CFAP57: variants seen among roughly 807,000 people sequenced by gnomAD.
The protein encoded by CFAP57 is cilia- and flagella-associated protein 57.
CFAP57 carries 116 observed loss-of-function variants against 146.8 expected under a neutral mutation model. The observed-to-expected ratio is 0.79, with a 90% CI of 0.68 to 0.92. The LOEUF (loss-of-function observed/expected upper bound fraction) is 0.92, where lower values mean the gene tolerates loss of function less well. CFAP57 is among the 40% of genes least tolerant of loss of function. The probability of loss-of-function intolerance (pLI) is 0.00; values close to 1 mark genes in which losing one functional copy is unlikely to be tolerated. For synonymous variants in CFAP57, 518 were observed against 552.8 expected (o/e 0.94, Z 0.88); for missense variants, 1,377 against 1,527.2 (o/e 0.90, Z 1.64).
intron 2 of CFAP57, among the ~76,000 whole-genome samples, chr1:43,179,978 G>A (rs1268365525): frequency 7.9e-5 from 12 of 151,858 alleles, no homozygotes; most frequent in Admixed American, 7.9e-4. Flanking sequence ...AGGCCGAGGT[G>A]GGCGGATCAC....
chr1:43,236,912 C>CAA (rs112784557), intron 21 of CFAP57, among the ~76,000 whole-genome samples: 11 of 122,656 alleles, frequency 9.0e-5, no homozygotes, highest in East Asian at 3.1e-4. Flanking sequence ...CCATCCCCCC[C>CAA]CAAAAAAAAA....
intron 6 of CFAP57, among the ~76,000 whole-genome samples, chr1:43,195,532 G>C (rs199599550): frequency 7.6e-6 from 1 of 131,784 alleles, no homozygotes; most frequent in African/African-American, 2.8e-5. Context: ...AAGAAAAAAA[G>C]AAAAAAAAAA....
Position 43,224,056 on chromosome 1 carries a change from T to C in CFAP57, c.2717T>C (p.Leu906Pro), listed in dbSNP as rs1249135559. 6.4e-7 allele frequency: 1 copy of C among 1,550,420 alleles called. No individual in the cohort carries two copies. The highest frequency in any genetic ancestry group is 1.4e-5 in the African/African-American group (1 of 73,048). ...TGTTCGCTTTTCTAGTTCAGCAGCCTACAGAAGGAGATTGAAGAACGAACC... is the reference window on the plus strand; with the variant it reads ...TGTTCGCTTTTCTAGTTCAGCAGCCCACAGAAGGAGATTGAAGAACGAACC... ...TGIMRKKFSS[L>P]QKEIEERTND... The change falls in exon 17 of 23, where the codon CTA (leucine) becomes CCA (proline). Residue 906 changes from leucine to proline, a missense_variant. Coordinates refer to ENST00000372492, the MANE Select transcript of CFAP57 (RefSeq NM_001378189.1).
At chr1:43,184,982 C>A in intron 4 of CFAP57, 167 bp from the exon 5 acceptor site, 1 of 705,068 alleles carries the variant, frequency 1.4e-6, no homozygotes, top group Admixed American at 2.1e-5. Flanking sequence ...TGGCCATGTG[C>A]AGTTTGTGTA....
intron 12 of CFAP57, among the ~76,000 whole-genome samples, chr1:43,216,836 G>A (rs1444266837): frequency 6.6e-6 from 1 of 152,212 alleles, no homozygotes; most frequent in African/African-American, 2.4e-5. Context: ...GATTTACAGA[G>A]GGGTCTGCTG....
chr1:43,180,199 T>A (rs914231759), intron 2 of CFAP57, among the ~76,000 whole-genome samples: 1 of 144,070 alleles, frequency 6.9e-6, no homozygotes, highest in African/African-American at 2.7e-5. Context: ...AGAGTGAAAC[T>A]CTATCTCAAA....
At position 43,224,186 on chromosome 1, in the gene CFAP57, C is replaced by T. The variant is rs1222223545; in HGVS notation, c.2847C>T (p.Asp949=). 9.1e-6 allele frequency: 14 copies of T among 1,545,690 alleles called. No individual in the cohort carries two copies. The highest frequency in any genetic ancestry group is 8.2e-5 in the African/African-American group (6 of 72,820). ...TCAAGCGAGAGATCCAGGAAAGAGA[C>T]GAGACTATTCAAGACAAGGTGCAGC... is the stretch of plus-strand genomic sequence containing the variant. ...QGLKREIQER[D]ETIQDKEKRI... is the part of the protein sequence containing the mutation. The change falls in exon 17 of 23, where the codon GAC becomes GAT. Residue 949 remains aspartate (D), a synonymous_variant. Transcript: ENST00000372492.
At chr1:43,185,093 A>C in intron 4 of CFAP57, 56 bp from the exon 5 acceptor site, 1 of 1,582,436 alleles carries the variant, frequency 6.3e-7, no homozygotes, top group Non-Finnish European at 8.7e-7. Flanking sequence ...CCCCAGCAGA[A>C]TTCATCTCCT....
intron 6 of CFAP57, among the ~76,000 whole-genome samples, chr1:43,189,606 C>T (rs997842349): frequency 3.3e-5 from 5 of 152,148 alleles, no homozygotes; most frequent in African/African-American, 4.8e-5. Flanking sequence ...GCAACCTTGC[C>T]AAACTCATTT....
chr1:43,235,151 C>G lies in CFAP57; in HGVS notation c.3405+513C>G, dbSNP rs1645639354. Among the ~76,000 whole-genome samples, 4 of 152,286 alleles carry G rather than the reference C, an allele frequency of 2.6e-5. No homozygotes were observed. In the South Asian group the frequency reaches 8.3e-4, roughly 32 times the overall value. On this transcript the variant is annotated intron_variant, in intron 21 of 22. Coordinates refer to ENST00000372492, the MANE Select transcript of CFAP57 (RefSeq NM_001378189.1). ...CTGATTTTTCTGGTGCCTCAGGTCCCTACCCTTATCTCTTGTGTCCCAAGT... is the reference window on the plus strand; with the variant it reads ...CTGATTTTTCTGGTGCCTCAGGTCCGTACCCTTATCTCTTGTGTCCCAAGT...
At chr1:43,236,000 C>A (rs1411320023) in intron 21 of CFAP57, among the ~76,000 whole-genome samples, 3 of 152,104 alleles carry the variant, frequency 2.0e-5, no homozygotes, top group Admixed American at 2.0e-4. Context: ...GCTGCTGGGG[C>A]GGGCATCCTG....
chr1:43,223,658 A>T (rs1042027997), intron 16 of CFAP57, among the ~76,000 whole-genome samples: 5 of 152,176 alleles, frequency 3.3e-5, no homozygotes, highest in African/African-American at 1.2e-4. Context: ...CATGGCTAAG[A>T]TGGCTCATCA....
At chr1:43,236,034 C>T (rs762330590) in intron 21 of CFAP57, among the ~76,000 whole-genome samples, 7 of 151,416 alleles carry the variant, frequency 4.6e-5, no homozygotes, top group Non-Finnish European at 5.9e-5. Flanking sequence ...CCCTATGCCC[C>T]GGAGGGTGCT....
In CFAP57 at chr1:43,224,166, C is replaced by G; in HGVS notation, c.2827C>G (p.Arg943Gly). 6.5e-7 allele frequency: 1 copy of G among 1,549,168 alleles called. No individual in the cohort carries two copies. The change falls in exon 17 of 23, where the codon CGA becomes GGA. Residue 943 changes from arginine to glycine, a missense_variant. Physicochemically the swap from Arg to Gly is moderately radical, Grantham distance 125. Coordinates refer to ENST00000372492, the MANE Select transcript of CFAP57 (RefSeq NM_001378189.1). ...SLEKDIQGLK[R>G]EIQERDETIQ... ...GGAGAAGGACATCCAAGGCCTCAAG[C>G]GAGAGATCCAGGAAAGAGACGAGAC...
chr1:43,199,060 A>C (rs1570014733), intron 8 of CFAP57, among the ~76,000 whole-genome samples: 1 of 152,224 alleles, frequency 6.6e-6, no homozygotes, highest in East Asian at 1.9e-4. Flanking sequence ...GCTTTCCCTG[A>C]GGTGTCTTGC....
chr1:43,182,908 A>G (rs1645473986), intron 3 of CFAP57, among the ~76,000 whole-genome samples: 2 of 152,228 alleles, frequency 1.3e-5, no homozygotes, highest in African/African-American at 4.8e-5. Flanking sequence ...TCAACTTAAA[A>G]TATTCGTCTT....
chr1:43,210,576 A>G, intron 11 of CFAP57: 1 of 274,926 alleles, frequency 3.6e-6, no homozygotes. Flanking sequence ...CCAACCACAA[A>G]AAGATAAGTA....
At chr1:43,223,073 G>C (rs1645111310) in intron 16 of CFAP57, 76 bp downstream of exon 16, 1 of 1,446,028 alleles carries the variant, frequency 6.9e-7, no homozygotes, top group African/African-American at 1.4e-5. Context: ...GGACTGACCG[G>C]CCTGGGGGTG....
At chr1:43,210,161 A>G (rs768247067) in intron 11 of CFAP57, 2 of 1,572,794 alleles carry the variant, frequency 1.3e-6, no homozygotes. Context: ...TCACCATAAT[A>G]TTATGCATAA....
Sources: allele counts gnomAD v4.1 joint callset (sites outside exome capture counted in the v4.1 genomes callset), GRCh38; gene constraint gnomAD v4.1.1; transcripts MANE v1.5; gene names NCBI Gene and HGNC (gene_info 2026-07-23, HGNC 2026-07-21).